The following GABBR2 variants were observed in gnomAD, a reference collection of about 807,000 sequenced individuals.
GABBR2 encodes G-protein coupled receptor 51.
A neutral mutation model predicts 105.6 loss-of-function variants in GABBR2; 23 were observed. That is an observed-to-expected ratio of 0.22 (90% CI 0.16 to 0.31). The LOEUF is 0.31. Ranked by LOEUF, GABBR2 falls within the 10% of genes least tolerant of loss-of-function variation. The pLI is 1.00. For missense variants in GABBR2, 734 were observed against 1,245.5 expected (o/e 0.59, Z 6.18); for synonymous variants, 478 against 499.7 (o/e 0.96, Z 0.58).
intron 13 of GABBR2, among the ~76,000 whole-genome samples, chr9:98,332,368 A>C (rs893960542): frequency 1.3e-5 from 2 of 152,202 alleles, no homozygotes; most frequent in African/African-American, 4.8e-5. Context: ...GAGTGGAAAC[A>C]AATCAGACTG....
intron 7 of GABBR2, among the ~76,000 whole-genome samples, chr9:98,444,092 G>C (rs1431541997): frequency 2.0e-5 from 3 of 152,178 alleles, no homozygotes; most frequent in African/African-American, 7.2e-5. Context: ...ATTGAACTTT[G>C]CTGAGCCTGT....
chr9:98,406,773 C>T (rs1832498029), intron 7 of GABBR2, among the ~76,000 whole-genome samples: 1 of 152,176 alleles, frequency 6.6e-6, no homozygotes, highest in Admixed American at 6.6e-5. Flanking sequence ...ACCTTGGGGG[C>T]TAAACATAGC....
chr9:98,697,424 G>T (rs1410614364), intron 1 of GABBR2, among the ~76,000 whole-genome samples: 1 of 151,522 alleles, frequency 6.6e-6, no homozygotes, highest in Non-Finnish European at 1.5e-5. Flanking sequence ...ACGGGAGGCG[G>T]AGTTTGCAGT....
chr9:98,494,195 T>C (rs1193239017), intron 4 of GABBR2, among the ~76,000 whole-genome samples: 1 of 152,192 alleles, frequency 6.6e-6, no homozygotes, highest in Admixed American at 6.5e-5. Context: ...ATTCTGTTGT[T>C]ATAAACCACC....
chr9:98,449,093 G>A (rs923495927), intron 7 of GABBR2, among the ~76,000 whole-genome samples: 4 of 152,236 alleles, frequency 2.6e-5, no homozygotes, highest in Admixed American at 6.5e-5. Context: ...GCACACTGAC[G>A]TGTTGAGCGT....
At chr9:98,362,612 C>G (rs1831605746) in intron 13 of GABBR2, 103 bp downstream of exon 13, 1 of 883,940 alleles carries the variant, frequency 1.1e-6, no homozygotes, top group East Asian at 3.0e-5. Flanking sequence ...ATGAAGTGTT[C>G]CCAGTGGGGT....
At chr9:98,402,745 ATT>A (rs991317816) in intron 8 of GABBR2, among the ~76,000 whole-genome samples, 4 of 152,210 alleles carry the variant, frequency 2.6e-5, no homozygotes, top group Admixed American at 2.6e-4. Flanking sequence ...ATGCTGGGGT[ATT>A]TATCCTCCCC....
chr9:98,313,273 C>T (rs2131364837), intron 13 of GABBR2, among the ~76,000 whole-genome samples: 1 of 152,334 alleles, frequency 6.6e-6, no homozygotes, highest in Non-Finnish European at 1.5e-5. Flanking sequence ...TCAACCATTT[C>T]TCCAAGGAGT....
intron 5 of GABBR2, among the ~76,000 whole-genome samples, chr9:98,476,981 T>G (rs1189706830): frequency 6.6e-6 from 1 of 152,224 alleles, no homozygotes; most frequent in Non-Finnish European, 1.5e-5. Context: ...AATGCAACTG[T>G]GGAAATGCCT....
chr9:98,596,712 C>T (rs1302239177), intron 1 of GABBR2, among the ~76,000 whole-genome samples: 2 of 152,178 alleles, frequency 1.3e-5, no homozygotes, highest in African/African-American at 2.4e-5. Flanking sequence ...GACCCTGCCG[C>T]CCAGGGCTCT....
rs1173222519 is a variant in GABBR2 at position 98,588,262 on chromosome 9, C to T, written c.322-10190G>A. Among the ~76,000 whole-genome samples, 3 of 152,280 alleles carry T rather than the reference C, an allele frequency of 2.0e-5. No individual in the cohort carries two copies. The East Asian group carries it at 5.8e-4, about 29-fold the overall frequency. Reference sequence around the variant, plus strand: ...ACCATATCCAACTGAATTAAATATACACTATATTGTTTTGTCATTGCAACT... The same window carrying T: ...ACCATATCCAACTGAATTAAATATATACTATATTGTTTTGTCATTGCAACT... On this transcript the variant is annotated intron_variant, in intron 1 of 18. Coordinates refer to ENST00000259455, the MANE Select transcript of GABBR2 (RefSeq NM_005458.8).
chr9:98,554,329 CAGCCTG>C lies in GABBR2; in HGVS notation c.460-12292_460-12287del, dbSNP rs1276304104. 2.0e-5 allele frequency among the ~76,000 whole-genome samples: 3 copies of C among 151,760 alleles called. No individual in the cohort carries two copies. In the East Asian group the frequency reaches 5.8e-4, roughly 29 times the overall value. On this transcript the variant is annotated intron_variant, in intron 2 of 18. Coordinates refer to ENST00000259455, the MANE Select transcript of GABBR2 (RefSeq NM_005458.8). Reference sequence around the variant, plus strand: ...GAGCCAGGATCATGCCACTACACTCCAGCCTGAGCGAGAGTGAGGCCCTGTCAAAGA... The same window carrying C: ...GAGCCAGGATCATGCCACTACACTCCAGCGAGAGTGAGGCCCTGTCAAAGA...
chr9:98,681,443 T>A (rs1217291766), intron 1 of GABBR2, among the ~76,000 whole-genome samples: 1 of 72,040 alleles, frequency 1.4e-5, no homozygotes, highest in Admixed American at 2.1e-4. Flanking sequence ...TGTGGTGGGG[T>A]GGGGGGAGGG....
At chr9:98,301,313 G>T (rs1340550064) in intron 16 of GABBR2, among the ~76,000 whole-genome samples, 1 of 152,222 alleles carries the variant, frequency 6.6e-6, no homozygotes, top group Non-Finnish European at 1.5e-5. Context: ...CATTGGATTT[G>T]AACTGGAGGC....
intron 1 of GABBR2, among the ~76,000 whole-genome samples, chr9:98,598,615 T>C (rs1174184586): frequency 6.9e-6 from 1 of 144,302 alleles, no homozygotes; most frequent in East Asian, 2.0e-4. Flanking sequence ...GCGTAACCAG[T>C]GTCTGTACGA....
intron 2 of GABBR2, among the ~76,000 whole-genome samples, chr9:98,576,554 A>G (rs1037649064): frequency 3.3e-5 from 5 of 152,144 alleles, no homozygotes; most frequent in Admixed American, 2.6e-4. Context: ...TTGAGTTAAA[A>G]TCCTGGCCCT....
intron 1 of GABBR2, among the ~76,000 whole-genome samples, chr9:98,591,330 A>T (rs1384441378): frequency 2.6e-5 from 4 of 152,140 alleles, no homozygotes; most frequent in African/African-American, 9.7e-5. Context: ...GGAGCACAGG[A>T]TGGAGAAGGG....
intron 4 of GABBR2, among the ~76,000 whole-genome samples, chr9:98,493,089 A>G (rs897945250): frequency 6.6e-6 from 1 of 152,152 alleles, no homozygotes; most frequent in Non-Finnish European, 1.5e-5. Context: ...CATAATAGTA[A>G]ACTTGTGGAG....
At chr9:98,607,568 T>C (rs1381925551) in intron 1 of GABBR2, 8 of 665,648 alleles carry the variant, frequency 1.2e-5, no homozygotes, top group Non-Finnish European at 2.2e-5. Context: ...GTTGGTGTGG[T>C]AGGTAGTAAT....
Sources: allele counts gnomAD v4.1 joint callset (sites outside exome capture counted in the v4.1 genomes callset), GRCh38; gene constraint gnomAD v4.1.1; transcripts MANE v1.5; gene names NCBI Gene and HGNC (gene_info 2026-07-23, HGNC 2026-07-21).